NSD2: variants seen among roughly 807,000 people sequenced by gnomAD.
The protein encoded by NSD2 is nuclear receptor binding SET domain protein 2, also known as histone-lysine N-methyltransferase NSD2.
NSD2 carries 12 observed loss-of-function variants against 139.0 expected under a neutral mutation model. The observed-to-expected ratio is 0.09, with a 90% CI of 0.06 to 0.14. The LOEUF (loss-of-function observed/expected upper bound fraction) is 0.14, where lower values mean the gene tolerates loss of function less well. NSD2 is among the 10% of genes least tolerant of loss of function. The probability of loss-of-function intolerance (pLI) is 1.00; values close to 1 mark genes in which losing one functional copy is unlikely to be tolerated. For missense variants in NSD2, 1,155 were observed against 1,745.0 expected (o/e 0.66, Z 6.02); for synonymous variants, 669 against 648.7 (o/e 1.03, Z -0.48).
At chr4:1,886,690 T>C (rs945070909) in intron 1 of NSD2, among the ~76,000 whole-genome samples, 6 of 151,908 alleles carry the variant, frequency 3.9e-5, no homozygotes, top group African/African-American at 1.2e-4. Flanking sequence ...CCCAAAAAAT[T>C]AGCCAGGCGT....
At chr4:1,879,206 ATTATT>A (rs577920073) in intron 1 of NSD2, among the ~76,000 whole-genome samples, 90 of 152,002 alleles carry the variant, frequency 5.9e-4, no homozygotes, top group South Asian at 2.9e-3. Context: ...ACTTTTTAAA[ATTATT>A]TTATTTTATT....
chr4:1,937,926 G>A (rs997458385), intron 7 of NSD2, among the ~76,000 whole-genome samples: 4 of 152,174 alleles, frequency 2.6e-5, no homozygotes, highest in Admixed American at 1.3e-4. Flanking sequence ...TGTTCATTAG[G>A]TGTATCTGGT....
chr4:1,938,152 C>T (rs535836900), intron 7 of NSD2, among the ~76,000 whole-genome samples: 19 of 152,270 alleles, frequency 1.2e-4, no homozygotes, highest in African/African-American at 2.9e-4. Flanking sequence ...CGGGTCTTGG[C>T]GTGGCCCCAC....
At position 1,908,920 on chromosome 4, in the gene NSD2, T is replaced by G. The variant is rs139098029; in HGVS notation, c.760+4542T>G. On this transcript the variant is annotated intron_variant, in intron 3 of 21. Transcript: ENST00000508803. ...GCCTTGGCCTCCCAAATTGTTGGGATTACAAGTGTGAGCCACCATACCTGT... is the reference window on the plus strand; with the variant it reads ...GCCTTGGCCTCCCAAATTGTTGGGAGTACAAGTGTGAGCCACCATACCTGT... Among the ~76,000 whole-genome samples, 350 of 152,154 alleles carry G rather than the reference T, an allele frequency of 2.3e-3. 1 individual carries two copies. Among genetic ancestry groups the G allele is most frequent in the Non-Finnish European group, 3.6e-3 (246 of 67,992 alleles).
chr4:1,916,278 T>G (rs1243004296), intron 3 of NSD2, among the ~76,000 whole-genome samples: 1 of 152,244 alleles, frequency 6.6e-6, no homozygotes, highest in Non-Finnish European at 1.5e-5. Flanking sequence ...TTATTTGGTA[T>G]CTTTTTAAGA....
intron 1 of NSD2, among the ~76,000 whole-genome samples, chr4:1,872,599 A>AGAGG (rs1176520181): frequency 8.9e-6 from 1 of 112,098 alleles, no homozygotes; most frequent in African/African-American, 3.5e-5. Flanking sequence ...TGTGAGAGAG[A>AGAGG]GAGAGAGAGA....
In NSD2 at chr4:1,973,782, G is replaced by A. The variant is rs544383232; in HGVS notation, c.3373-1081G>A. ...CATGTTTATCCCAGTGTTTATCCCT[G>A]TTCACACACGTGGTTTTGTTTGAAC... On this transcript the variant is annotated intron_variant, in intron 18 of 21. Coordinates refer to ENST00000508803, the MANE Select transcript of NSD2 (RefSeq NM_001042424.3). The surrounding 1 kb of genome is among the most constrained non-coding windows in gnomAD (Gnocchi z 5.5). Among the ~76,000 whole-genome samples the A allele has an allele frequency of 6.6e-6, 1 of 152,352 alleles. No individual in the cohort carries two copies. The highest frequency in any genetic ancestry group is 2.4e-5 in the African/African-American group (1 of 41,588).
At chr4:1,961,182 A>G (rs761102686) in intron 18 of NSD2, 31 bp downstream of exon 18, 10 of 1,568,082 alleles carry the variant, frequency 6.4e-6, no homozygotes, top group Non-Finnish European at 7.9e-6. Context: ...GAGCTTCTGC[A>G]GTGTGCTGGA....
intron 11 of NSD2, chr4:1,952,930 A>C (rs1076134): frequency 4.1e-4 from 574 of 1,416,340 alleles, no homozygotes; most frequent in Non-Finnish European, 5.1e-4. Context: ...GCAGCACCTC[A>C]CTTATGGGAG....
chr4:1,900,772 G>A lies in NSD2; in HGVS notation c.118G>A (p.Val40Met). 1 of 1,614,164 alleles carries A rather than the reference G, an allele frequency of 6.2e-7. No homozygotes were observed. Among genetic ancestry groups the A allele is most frequent in the Non-Finnish European group, 8.5e-7 (1 of 1,180,042 alleles). The part of the protein sequence containing the change: ...SANGKTPSCE[V>M]NRECSVFLSK... ...CAACGGGAAGACTCCGAGCTGCGAG[G>A]TGAACCGCGAGTGTTCTGTGTTCCT... is the stretch of plus-strand genomic sequence containing the variant. The change falls in exon 2 of 22, where the codon GTG (valine) becomes ATG (methionine). Residue 40 changes from valine to methionine, a missense_variant. This residue lies in a region of NSD2 where 246 missense variants were observed against 262.8 expected (regional missense o/e 0.94). Transcript: ENST00000508803.
chr4:1,893,542 T>TG (rs1553860832), intron 1 of NSD2, among the ~76,000 whole-genome samples: 1 of 136,370 alleles, frequency 7.3e-6, no homozygotes, highest in African/African-American at 2.6e-5. Flanking sequence ...TTTTGTTTTT[T>TG]GTTTTTTTTT....
intron 17 of NSD2, 74 bp from the exon 18 acceptor site, chr4:1,960,961 G>A (rs1240097519): frequency 2.6e-6 from 3 of 1,152,952 alleles, no homozygotes; most frequent in Non-Finnish European, 3.9e-6. Flanking sequence ...TGATCATGAT[G>A]GGGAGTCTTG....
intron 3 of NSD2, among the ~76,000 whole-genome samples, chr4:1,908,436 A>G (rs2108771628): frequency 6.6e-6 from 1 of 152,258 alleles, no homozygotes; most frequent in East Asian, 1.9e-4. Context: ...GAAGACTGAT[A>G]ATATACTTTT....
At chr4:1,899,098 A>G (rs546826450) in intron 1 of NSD2, 1 of 152,242 alleles carries the variant, frequency 6.6e-6, no homozygotes, top group African/African-American at 2.4e-5. Context: ...TGCGGGTCAG[A>G]CAGAACACAT....
intron 9 of NSD2, chr4:1,945,470 A>G (rs1461735246): frequency 9.4e-6 from 10 of 1,063,722 alleles, no homozygotes; most frequent in Non-Finnish European, 1.1e-5. Context: ...AAGAAAACTA[A>G]GATTATAAAT....
At position 1,978,748 on chromosome 4, in the gene NSD2, T is replaced by C. The variant is rs1220405765; in HGVS notation, c.3937T>C (p.Phe1313Leu). The stretch of plus-strand genomic sequence containing the variant: ...TAAGGAGCACCAGGACGGGACAGCC[T>C]TCAGCTGCACCCCGGACGGGCGGTC... ...FCKEHQDGTAFSCTPDGRSYC... is the reference protein window; with the variant it reads ...FCKEHQDGTALSCTPDGRSYC... The change falls in exon 22 of 22, where the codon TTC (phenylalanine) becomes CTC (leucine). Residue 1313 changes from phenylalanine (F) to leucine (L), a missense_variant. Around this residue, in one of 8 missense-constraint regions of NSD2, gnomAD observed 132 missense variants for 94.3 expected, o/e 1.40. Coordinates refer to ENST00000508803, the MANE Select transcript of NSD2 (RefSeq NM_001042424.3). 1 of 1,614,106 alleles carries C rather than the reference T, an allele frequency of 6.2e-7. No homozygotes were observed. Among genetic ancestry groups the C allele is most frequent in the East Asian group, 2.2e-5 (1 of 44,866 alleles).
At chr4:1,893,251 T>G (rs1434292307) in intron 1 of NSD2, among the ~76,000 whole-genome samples, 1 of 152,164 alleles carries the variant, frequency 6.6e-6, no homozygotes, top group East Asian at 1.9e-4. Flanking sequence ...GTAGATCACC[T>G]GAGGTCAGGA....
rs570033446 is a variant in NSD2 at position 1,956,470 on chromosome 4, G to C, written c.2881+282G>C. Among the ~76,000 whole-genome samples, 2 of 152,200 alleles carry C rather than the reference G, an allele frequency of 1.3e-5. No homozygotes were observed. The highest frequency in any genetic ancestry group is 4.2e-4 in the South Asian group (2 of 4,814). On this transcript the variant is annotated intron_variant, in intron 15 of 21. Transcript: ENST00000508803. This position sits in a 1 kb window ranked among gnomAD's most constrained non-coding sequence, Gnocchi z 5.3. Reference sequence around the variant, plus strand: ...TACTAATTTACAGAAATGTTCCATGGCTTGCCTTTATGTAAAATGCAGATC... The same window carrying C: ...TACTAATTTACAGAAATGTTCCATGCCTTGCCTTTATGTAAAATGCAGATC...
At position 1,942,391 on chromosome 4, in the gene NSD2, A is replaced by G. The variant is rs1723190617; in HGVS notation, c.1881+2613A>G. 2 of 1,612,978 alleles carry G rather than the reference A, an allele frequency of 1.2e-6. No homozygotes were observed. Among genetic ancestry groups the G allele is most frequent in the South Asian group, 2.2e-5 (2 of 90,788 alleles). ...TTGGATTTGAACCCAGCTGCTCTGT[A>G]CTGCACTTAGAATGATGTAATATTC... On this transcript the variant is annotated intron_variant, in intron 9 of 21. Coordinates refer to ENST00000508803, the MANE Select transcript of NSD2 (RefSeq NM_001042424.3). This position sits in a 1 kb window ranked among gnomAD's most constrained non-coding sequence, Gnocchi z 4.0.
Sources: allele counts gnomAD v4.1 joint callset (sites outside exome capture counted in the v4.1 genomes callset), GRCh38; gene constraint gnomAD v4.1.1; regional missense constraint gnomAD v4.1.1; non-coding constraint Gnocchi (gnomAD v3.1); transcripts MANE v1.5; gene names NCBI Gene and HGNC (gene_info 2026-07-23, HGNC 2026-07-21).